Variants in FRMD4A observed in about 807,000 individuals in gnomAD.
FRMD4A encodes the protein FERM domain containing 4A.
A neutral mutation model predicts 129.1 loss-of-function variants in FRMD4A; 29 were observed. The ratio of observed to expected loss-of-function variants is 0.22; its 90% CI spans 0.17 to 0.31. FRMD4A has a LOEUF of 0.31. Among genes scored for constraint, FRMD4A ranks in the 10% least tolerant of loss-of-function variants. The pLI, the probability that FRMD4A is intolerant of heterozygous loss-of-function variation, is 1.00. For synonymous variants in FRMD4A, 634 were observed against 571.6 expected (o/e 1.11, Z -1.56); for missense variants, 1,272 against 1,375.8 (o/e 0.92, Z 1.19).
intron 2 of FRMD4A, among the ~76,000 whole-genome samples, chr10:14,170,132 A>T (rs960893830): frequency 5.3e-5 from 8 of 152,172 alleles, no homozygotes; most frequent in African/African-American, 1.7e-4. Context: ...TAGAGCTTTG[A>T]CTATACATAT....
intron 2 of FRMD4A, among the ~76,000 whole-genome samples, chr10:14,110,628 C>T (rs2131793810): frequency 7.5e-6 from 1 of 132,846 alleles, no homozygotes; most frequent in East Asian, 2.2e-4. Flanking sequence ...AGCTTTCTTG[C>T]TAACAAAACA....
At chr10:14,285,715 G>A (rs75676385) in intron 2 of FRMD4A, among the ~76,000 whole-genome samples, 3,710 of 152,336 alleles carry the variant, frequency 0.024, 75 homozygotes, top group Middle Eastern at 0.037. Context: ...GCTGAAGACT[G>A]AATATGGTCA....
At chr10:14,306,030 G>C (rs993486270) in intron 2 of FRMD4A, among the ~76,000 whole-genome samples, 1 of 152,130 alleles carries the variant, frequency 6.6e-6, no homozygotes, top group Non-Finnish European at 1.5e-5. Context: ...GGATGCTAAG[G>C]CTTAATACCT....
chr10:13,816,364 T>C (rs982226529), intron 3 of FRMD4A, among the ~76,000 whole-genome samples: 6 of 152,164 alleles, frequency 3.9e-5, no homozygotes, highest in Admixed American at 3.3e-4. Flanking sequence ...GCTCTGTCAA[T>C]GAGAGTGAGA....
At chr10:14,237,115 G>A (rs957648674) in intron 2 of FRMD4A, among the ~76,000 whole-genome samples, 4 of 151,654 alleles carry the variant, frequency 2.6e-5, no homozygotes, top group Non-Finnish European at 5.9e-5. Flanking sequence ...TTAAGCAGAG[G>A]TGAATTCTTG....
At chr10:13,770,755 C>A (rs885612) in intron 6 of FRMD4A, among the ~76,000 whole-genome samples, 3,226 of 152,188 alleles carry the variant, frequency 0.021, 118 homozygotes, top group African/African-American at 0.074. Context: ...TGGAATCATT[C>A]TTTTAGAGAT....
chr10:13,837,391 C>T (rs2093893379), intron 3 of FRMD4A, among the ~76,000 whole-genome samples: 1 of 152,184 alleles, frequency 6.6e-6, no homozygotes, highest in Non-Finnish European at 1.5e-5. Flanking sequence ...GATTGGGCCT[C>T]GAGTGCTGGC....
At chr10:14,274,464 G>A (rs1053586110) in intron 2 of FRMD4A, among the ~76,000 whole-genome samples, 8 of 152,108 alleles carry the variant, frequency 5.3e-5, no homozygotes, top group South Asian at 2.1e-4. Context: ...GGTGTGGTTC[G>A]CTCTGAGGAA....
chr10:13,656,973 G>T lies in FRMD4A; in HGVS notation c.2616C>A (p.Ser872=), dbSNP rs1324578611. The change falls in exon 22 of 25, where the codon TCC becomes TCA. Residue 872 remains serine (S), a synonymous_variant. Coordinates refer to ENST00000357447, the MANE Select transcript of FRMD4A (RefSeq NM_018027.5). ...CCTTGAACAGGCCGCCCGCCGTGTA[G>T]GAGTTGGACGTCTTGAACTGAGCCT... is the stretch of plus-strand genomic sequence containing the variant. The part of the protein sequence containing the change: ...SVKAQFKTSN[S]YTAGGLFKES... 6.5e-7 allele frequency: 1 copy of T among 1,547,078 alleles called. No homozygotes were observed. The highest frequency in any genetic ancestry group is 1.4e-5 in the African/African-American group (1 of 70,856).
chr10:14,303,659 T>C (rs1218471), intron 2 of FRMD4A, among the ~76,000 whole-genome samples: 26,027 of 151,968 alleles, frequency 0.17, 2,997 homozygotes, highest in African/African-American at 0.33. Context: ...CAGGCAGCAA[T>C]TGTAGCCAGG....
chr10:13,941,158 G>A (rs1298124054), intron 2 of FRMD4A, among the ~76,000 whole-genome samples: 2 of 152,176 alleles, frequency 1.3e-5, no homozygotes, highest in Non-Finnish European at 2.9e-5. Context: ...ATTCCCAGGT[G>A]TTGTGGGAGG....
intron 2 of FRMD4A, among the ~76,000 whole-genome samples, chr10:13,910,184 G>A (rs959836352): frequency 1.3e-5 from 2 of 152,210 alleles, no homozygotes; most frequent in Non-Finnish European, 1.5e-5. Context: ...AAATGCAGGA[G>A]TGATAATATG....
intron 2 of FRMD4A, among the ~76,000 whole-genome samples, chr10:14,282,288 C>T (rs990996996): frequency 1.3e-5 from 2 of 152,072 alleles, no homozygotes; most frequent in Admixed American, 6.6e-5. Context: ...AGCAAGTGAC[C>T]CTCCTAAAGG....
intron 24 of FRMD4A, among the ~76,000 whole-genome samples, chr10:13,650,896 C>T (rs145150008): frequency 4.6e-5 from 7 of 152,222 alleles, no homozygotes; most frequent in East Asian, 1.9e-4. Context: ...TCCGTGAACT[C>T]GAAAGTGACC....
intron 2 of FRMD4A, among the ~76,000 whole-genome samples, chr10:14,011,999 TGA>T (rs1045011754): frequency 7.0e-6 from 1 of 142,936 alleles, no homozygotes; most frequent in African/African-American, 2.6e-5. Context: ...GCAGACAGCA[TGA>T]GACTCTGTCT....
chr10:14,242,120 C>T (rs1210547172), intron 2 of FRMD4A, among the ~76,000 whole-genome samples: 2 of 152,086 alleles, frequency 1.3e-5, no homozygotes, highest in Non-Finnish European at 1.5e-5. Context: ...AGGCTTGAGA[C>T]CTCAGACATG....
chr10:13,878,815 G>A (rs983376823), intron 2 of FRMD4A, among the ~76,000 whole-genome samples: 3 of 120,350 alleles, frequency 2.5e-5, no homozygotes, highest in South Asian at 3.4e-4. Flanking sequence ...AAAGAGAGAG[G>A]GAGGGAGGGA....
intron 3 of FRMD4A, among the ~76,000 whole-genome samples, chr10:13,834,438 A>T (rs927562365): frequency 6.6e-6 from 1 of 152,166 alleles, no homozygotes. Flanking sequence ...TGCAGACATG[A>T]GCACAGTCCT....
At chr10:14,266,616 C>A (rs1844989971) in intron 2 of FRMD4A, among the ~76,000 whole-genome samples, 1 of 151,848 alleles carries the variant, frequency 6.6e-6, no homozygotes, top group African/African-American at 2.4e-5. Context: ...CCAAAAGATT[C>A]ATGATATAAA....
Sources: allele counts gnomAD v4.1 joint callset (sites outside exome capture counted in the v4.1 genomes callset), GRCh38; gene constraint gnomAD v4.1.1; transcripts MANE v1.5; gene names NCBI Gene and HGNC (gene_info 2026-07-23, HGNC 2026-07-21).